Variants in CAPN14 observed in about 807,000 individuals in gnomAD.
The protein encoded by CAPN14 is calpain 14.
CAPN14 carries 94 observed loss-of-function variants against 101.3 expected under a neutral mutation model. That is an observed-to-expected ratio of 0.93 (90% CI 0.79 to 1.10). CAPN14 has a LOEUF of 1.10. CAPN14 is among the 50% of genes least tolerant of loss of function. CAPN14 has a pLI of 0.00. For missense variants in CAPN14, 837 were observed against 828.4 expected, an observed-to-expected ratio of 1.01 and a Z score of -0.13; for synonymous variants, 338 against 317.9, an observed-to-expected ratio of 1.06 and a Z score of -0.67.
Position 31,173,732 on chromosome 2 carries a change from C to A in CAPN14, c.*949G>T, listed in dbSNP as rs1343498371. 6.6e-6 allele frequency: 1 copy of A among 152,158 alleles called. No homozygotes were observed. Among genetic ancestry groups the A allele is most frequent in the African/African-American group, 2.4e-5 (1 of 41,432 alleles). The allele number at this position is 152,158 out of a possible 1,614,324, so 9.4% of individuals were successfully genotyped here. A position where few individuals can be genotyped will look rare whatever the true frequency, so the allele number is the denominator to read the frequency against. On this transcript the variant is annotated 3_prime_UTR_variant, in exon 22 of 22. Transcript: ENST00000403897. Reference sequence around the variant, plus strand: ...GTAATAAATGGCTCTGAGGTGCTAACTTATGAATAAATTGCATAGACTTTG... The same window carrying A: ...GTAATAAATGGCTCTGAGGTGCTAAATTATGAATAAATTGCATAGACTTTG...
intron 15 of CAPN14, 125 bp downstream of exon 15, chr2:31,187,633 A>G: frequency 2.6e-6 from 2 of 775,216 alleles, no homozygotes; most frequent in South Asian, 4.0e-5. Context: ...AGTTTGGGCA[A>G]TAGGTAGCCT....
intron 12 of CAPN14, among the ~76,000 whole-genome samples, chr2:31,190,571 T>A (rs572126176): frequency 1.4e-4 from 22 of 152,316 alleles, no homozygotes; most frequent in African/African-American, 5.1e-4. Flanking sequence ...CTTTGAAATT[T>A]TGTAGCTGAT....
Position 31,205,518 on chromosome 2 carries a change from G to T in CAPN14, c.-52-19C>A. 2 of 1,265,638 alleles carry T rather than the reference G, an allele frequency of 1.6e-6. No individual in the cohort carries two copies. The highest frequency in any genetic ancestry group is 1.1e-6 in the Non-Finnish European group (1 of 889,518). The allele number at this position is 1,265,638 out of a possible 1,614,324, so 78.4% of individuals were successfully genotyped here. On this transcript the variant is annotated intron_variant, in intron 1 of 21. Transcript: ENST00000403897. ...GCTGCTCCTGAAATGGAGAGAGGAC[G>T]GTCAGTTTCCTCACTTCCTCCTTGT...
intron 16 of CAPN14, among the ~76,000 whole-genome samples, chr2:31,184,067 G>A (rs142786175): frequency 0.011 from 1,729 of 152,192 alleles, 11 homozygotes; most frequent in South Asian, 0.03. Context: ...ATTTTTGGTA[G>A]AGACAGGGTT....
rs1451006495 is a variant in CAPN14, at chr2:31,203,118, A to T, written c.247T>A (p.Phe83Ile). Reference sequence around the variant, plus strand: ...AGCCTTTTGGCCTTGGCAAAATAAAACTGGGGATTGCTGTGCAGCTCCTGG... The same window carrying T: ...AGCCTTTTGGCCTTGGCAAAATAAATCTGGGGATTGCTGTGCAGCTCCTGG... ...RPPELHSNPQ[F>I]YFAKAKRLDL... is the part of the protein sequence containing the mutation. The change falls in exon 3 of 22, where the codon TTT becomes ATT. Residue 83 changes from phenylalanine to isoleucine, a missense_variant. Phe to Ile is a conservative substitution (Grantham distance 21). Transcript: ENST00000403897. 6.4e-7 allele frequency: 1 copy of T among 1,551,600 alleles called. No individual in the cohort carries two copies. The highest frequency in any genetic ancestry group is 8.7e-7 in the Non-Finnish European group (1 of 1,146,952).
chr2:31,183,529 C>G (rs1437608618), intron 16 of CAPN14, among the ~76,000 whole-genome samples: 1 of 151,928 alleles, frequency 6.6e-6, no homozygotes, highest in South Asian at 2.1e-4. Flanking sequence ...GGGCAAAGGA[C>G]ATGAACAGAC....
intron 1 of CAPN14, among the ~76,000 whole-genome samples, chr2:31,207,246 C>A (rs1414986861): frequency 6.6e-6 from 1 of 152,140 alleles, no homozygotes; most frequent in African/African-American, 2.4e-5. Context: ...AACTTGAGTC[C>A]TTTCCCCAGG....
chr2:31,223,820 G>T (rs1682937001), intron 2 of CAPN14, among the ~76,000 whole-genome samples: 1 of 152,116 alleles, frequency 6.6e-6, no homozygotes, highest in African/African-American at 2.4e-5. Flanking sequence ...GAGCCACCAA[G>T]CCTGGCCGCT....
chr2:31,211,545 G>A (rs1485003977), intron 1 of CAPN14, among the ~76,000 whole-genome samples: 1 of 152,028 alleles, frequency 6.6e-6, no homozygotes, highest in African/African-American at 2.4e-5. Flanking sequence ...ATCAAATACA[G>A]GAGTCAGTTA....
intron 1 of CAPN14, 70 bp downstream of exon 1, chr2:31,217,386 C>T (rs1447048125): frequency 1.3e-5 from 2 of 152,190 alleles, no homozygotes; most frequent in African/African-American, 4.8e-5. Context: ...CCTTCTAAAC[C>T]CAGACCCTGT....
intron 17 of CAPN14, among the ~76,000 whole-genome samples, chr2:31,179,394 A>G (rs1039306721): frequency 1.3e-5 from 2 of 152,180 alleles, no homozygotes; most frequent in African/African-American, 4.8e-5. Context: ...TATAAAGGAC[A>G]TGAACTCATC....
intron 1 of CAPN14, among the ~76,000 whole-genome samples, chr2:31,228,106 T>C (rs1683080673): frequency 6.6e-6 from 1 of 152,226 alleles, no homozygotes; most frequent in South Asian, 2.1e-4. Flanking sequence ...TGCATGGTTG[T>C]AGGCAGGTCA....
intron 21 of CAPN14, among the ~76,000 whole-genome samples, chr2:31,175,567 TG>T (rs1399497740): frequency 2.0e-5 from 3 of 152,196 alleles, no homozygotes; most frequent in African/African-American, 7.2e-5. Flanking sequence ...AAGGATTGCC[TG>T]GGATCAGGAG....
intron 17 of CAPN14, among the ~76,000 whole-genome samples, chr2:31,178,859 G>A (rs1385973660): frequency 6.6e-6 from 1 of 152,018 alleles, no homozygotes; most frequent in East Asian, 1.9e-4. Context: ...AGCATTAAGG[G>A]AGGCAGAATT....
Position 31,215,032 on chromosome 2 carries a change from C to G in CAPN14, c.-53+2424G>C, listed in dbSNP as rs1682581478. On this transcript the variant is annotated intron_variant, in intron 1 of 21. Coordinates refer to ENST00000403897, the MANE Select transcript of CAPN14 (RefSeq NM_001145122.2). ...CCTCTTTGTACAGCCTCCTCCTAAA[C>G]TATGACTTCAGTGGAGTCACTCTGT... 2.0e-5 allele frequency among the ~76,000 whole-genome samples: 3 copies of G among 152,210 alleles called. No homozygotes were observed. The East Asian group carries it at 5.8e-4, about 30-fold the overall frequency.
Position 31,191,519 on chromosome 2 carries a change from C to T in CAPN14, c.1279-112G>A, listed in dbSNP as rs191388957. 160 of 1,038,098 alleles carry T rather than the reference C, an allele frequency of 1.5e-4. No individual in the cohort carries two copies. The Middle Eastern group carries it at 1.5e-3, about 10-fold the overall frequency. The allele number at this position is 1,038,098 out of a possible 1,614,324, so 64.3% of individuals were successfully genotyped here. On this transcript the variant is annotated intron_variant, in intron 11 of 21. Transcript: ENST00000403897. ...CGAAACCCGAATAGAAGCTGATATA[C>T]AAGGCTCTACCCAGAAGCCGTGTCC... is the stretch of plus-strand genomic sequence containing the variant.
intron 5 of CAPN14, among the ~76,000 whole-genome samples, chr2:31,201,327 T>G (rs1314035361): frequency 6.6e-6 from 1 of 152,006 alleles, no homozygotes; most frequent in Non-Finnish European, 1.5e-5. Flanking sequence ...CTCTTAAACT[T>G]TCATATTGCA....
At chr2:31,216,361 A>T (rs71444485) in intron 1 of CAPN14, among the ~76,000 whole-genome samples, 28 of 152,116 alleles carry the variant, frequency 1.8e-4, no homozygotes, top group African/African-American at 6.8e-4. Flanking sequence ...GAGATTTACA[A>T]GGGAGTTTGA....
intron 20 of CAPN14, among the ~76,000 whole-genome samples, 176 bp from the exon 21 acceptor site, chr2:31,176,818 C>G (rs1436533507): frequency 5.3e-5 from 8 of 152,248 alleles, no homozygotes; most frequent in Non-Finnish European, 7.3e-5. Flanking sequence ...CCACTTCAAG[C>G]CTTTGTCTCT....
Sources: gnomAD v4.1 joint callset for allele counts (sites outside exome capture counted in the v4.1 genomes callset) on GRCh38, gnomAD v4.1.1 for gene constraint, MANE v1.5 for transcripts, NCBI Gene and HGNC (gene_info 2026-07-23, HGNC 2026-07-21) for gene names.